SYBU: variants seen among roughly 807,000 people sequenced by gnomAD.
SYBU encodes GOLSYN A protein.
Under a neutral mutation model 35.9 loss-of-function variants are expected in SYBU, and 21 were observed. That is an observed-to-expected ratio of 0.58 (90% CI 0.41 to 0.84). SYBU has a LOEUF of 0.84. Ranked by LOEUF, SYBU falls within the 40% of genes least tolerant of loss-of-function variation. The pLI is 0.00. For synonymous variants in SYBU, 319 were observed against 324.3 expected (o/e 0.98, Z 0.18); for missense variants, 768 against 848.2 (o/e 0.91, Z 1.17).
At chr8:109,645,633 G>GTTTTTTGTT (rs1554624998), upstream of SYBU, 3 of 230,826 alleles carry the variant, frequency 1.3e-5, no homozygotes, top group Middle Eastern at 1.6e-3. Flanking sequence ...TTCGTTTTTT[G>GTTTTTTGTT]TTTTTTTTTT....
At chr8:109,633,654 G>C (rs1563746605) in intron 2 of SYBU, among the ~76,000 whole-genome samples, 1 of 152,156 alleles carries the variant, frequency 6.6e-6, no homozygotes, top group African/African-American at 2.4e-5. Flanking sequence ...ACCACCTGGA[G>C]GGTGGGGTAG....
At position 109,574,062 on chromosome 8, in the gene SYBU, C is replaced by T. The variant is rs1821943993; in HGVS notation, c.*844G>A. On this transcript the variant is annotated 3_prime_UTR_variant, in exon 7 of 7. Transcript: ENST00000276646. ...AATCTTCATTTTCTTTAATAACTAA[C>T]TCTTTTTCCCTCTTCCTAATTTAAT... 2 of 151,608 alleles carry T rather than the reference C, an allele frequency of 1.3e-5. No homozygotes were observed. Among genetic ancestry groups the T allele is most frequent in the African/African-American group, 2.4e-5 (1 of 40,904 alleles). 9.4% of individuals were successfully genotyped at this position (151,608 alleles called of 1,614,324 possible). A position where few individuals can be genotyped will look rare whatever the true frequency, so the allele number is the denominator to read the frequency against.
intron 1 of SYBU, among the ~76,000 whole-genome samples, chr8:109,667,982 G>C (rs534083966): frequency 6.6e-6 from 1 of 152,156 alleles, no homozygotes; most frequent in South Asian, 2.1e-4. Flanking sequence ...CTCTTAGTGA[G>C]AGCTGGCGTG....
At chr8:109,608,223 T>G (rs1826267140) in intron 3 of SYBU, 1 of 416,690 alleles carries the variant, frequency 2.4e-6, no homozygotes, top group Admixed American at 4.2e-5. Flanking sequence ...CACAAAGGAT[T>G]TGAAGAAATA....
At chr8:109,610,739 C>G (rs559729978) in intron 3 of SYBU, among the ~76,000 whole-genome samples, 1 of 152,208 alleles carries the variant, frequency 6.6e-6, no homozygotes, top group Non-Finnish European at 1.5e-5. Context: ...TACCAGCAGA[C>G]AGTGAGGTCC....
chr8:109,678,212 G>T (rs1740796869), intron 1 of SYBU, among the ~76,000 whole-genome samples: 1 of 139,110 alleles, frequency 7.2e-6, no homozygotes, highest in African/African-American at 2.7e-5. Context: ...AACTTTAAAA[G>T]TCACACTCTT....
intron 1 of SYBU, among the ~76,000 whole-genome samples, chr8:109,662,982 T>A (rs1816619281): frequency 6.6e-6 from 1 of 152,144 alleles, no homozygotes; most frequent in African/African-American, 2.4e-5. Flanking sequence ...ATCAATTGAT[T>A]AAGACATTTT....
In SYBU at chr8:109,608,033, C is replaced by T. The variant is rs1179730931; in HGVS notation, c.427+10809G>A. 5.1e-6 allele frequency: 7 copies of T among 1,362,906 alleles called. No homozygotes were observed. The Middle Eastern group carries it at 5.6e-4, about 108-fold the overall frequency. 84.4% of individuals were successfully genotyped at this position (1,362,906 alleles called of 1,614,324 possible). Reference sequence around the variant, plus strand: ...GTGCAGCTCATATCTCAGTAGAGTACAGTCTCAGAGTGGGGTATCCATGGA... The same window carrying T: ...GTGCAGCTCATATCTCAGTAGAGTATAGTCTCAGAGTGGGGTATCCATGGA... On this transcript the variant is annotated intron_variant, in intron 3 of 6. Transcript: ENST00000276646.
chr8:109,690,215 T>C (rs939570852), intron 1 of SYBU, among the ~76,000 whole-genome samples: 1 of 149,980 alleles, frequency 6.7e-6, no homozygotes, highest in Admixed American at 6.7e-5. Flanking sequence ...ATCTGAAGCA[T>C]ATAAAAAAAA....
chr8:109,653,724 A>T (rs1816244482), intron 1 of SYBU, among the ~76,000 whole-genome samples: 1 of 152,142 alleles, frequency 6.6e-6, no homozygotes, highest in Non-Finnish European at 1.5e-5. Context: ...CTCATGTTGT[A>T]CAGATGGCCA....
chr8:109,634,274 G>C (rs139439904), intron 2 of SYBU, among the ~76,000 whole-genome samples: 221 of 152,118 alleles, frequency 1.5e-3, no homozygotes, highest in African/African-American at 5.2e-3. Flanking sequence ...GCATTTTCTG[G>C]TTTTCTTAGC....
chr8:109,650,435 T>C (rs1243219975), intron 1 of SYBU, among the ~76,000 whole-genome samples: 2 of 152,224 alleles, frequency 1.3e-5, no homozygotes, highest in Non-Finnish European at 2.9e-5. Context: ...AAGAACACTA[T>C]TGCCAAATGG....
intron 2 of SYBU, among the ~76,000 whole-genome samples, chr8:109,634,510 A>C (rs1244569310): frequency 2.6e-5 from 4 of 152,218 alleles, no homozygotes; most frequent in African/African-American, 4.8e-5. Context: ...AGAATTATTC[A>C]CTTGTTCTGT....
At chr8:109,689,832 G>GAAAAAAAA in intron 1 of SYBU, among the ~76,000 whole-genome samples, 2 of 102,726 alleles carry the variant, frequency 1.9e-5, no homozygotes, top group Middle Eastern at 5.4e-3. Context: ...ACTACAATAT[G>GAAAAAAAA]AAAAAAAAAA....
intron 1 of SYBU, among the ~76,000 whole-genome samples, chr8:109,667,612 A>G (rs974680271): frequency 6.6e-6 from 1 of 151,638 alleles, no homozygotes; most frequent in African/African-American, 2.4e-5. Context: ...CAAATTTTAC[A>G]TTTCTTGTTT....
chr8:109,603,492 G>T, intron 3 of SYBU: 1 of 725,592 alleles, frequency 1.4e-6, no homozygotes, highest in Non-Finnish European at 1.7e-6. Flanking sequence ...TGCTTGCCCA[G>T]CTACTCTGCC....
chr8:109,605,188 G>A (rs905073676), intron 3 of SYBU, among the ~76,000 whole-genome samples: 1 of 152,218 alleles, frequency 6.6e-6, no homozygotes, highest in Admixed American at 6.5e-5. Context: ...GCATGTGCAT[G>A]TGTGACTAAT....
chr8:109,687,765 A>T (rs578014303), intron 1 of SYBU, among the ~76,000 whole-genome samples: 7 of 152,300 alleles, frequency 4.6e-5, no homozygotes, highest in South Asian at 4.1e-4. Context: ...GCAAAATGTC[A>T]CATGGTATTA....
At chr8:109,683,340 A>T (rs921947126), upstream of SYBU, among the ~76,000 whole-genome samples, 4 of 152,220 alleles carry the variant, frequency 2.6e-5, no homozygotes, top group Admixed American at 6.5e-5. Flanking sequence ...CATCACCTGG[A>T]TGTGAGACAT....
Sources: allele counts gnomAD v4.1 joint callset (sites outside exome capture counted in the v4.1 genomes callset), GRCh38; gene constraint gnomAD v4.1.1; transcripts MANE v1.5; gene names NCBI Gene and HGNC (gene_info 2026-07-23, HGNC 2026-07-21).